The following FBXL2 variants were observed in gnomAD, a reference collection of about 807,000 sequenced individuals.
The protein encoded by FBXL2 is F-box/LRR-repeat protein 2.
In FBXL2, 38 loss-of-function variants were observed where a neutral mutation model predicts 69.2. The ratio of observed to expected loss-of-function variants is 0.55; its 90% CI spans 0.42 to 0.72. FBXL2 has a LOEUF of 0.72. Ranked by LOEUF, FBXL2 falls within the 30% of genes least tolerant of loss-of-function variation. The probability of loss-of-function intolerance (pLI) is 0.00; values close to 1 mark genes in which losing one functional copy is unlikely to be tolerated. For synonymous variants in FBXL2, 192 were observed against 201.3 expected, an observed-to-expected ratio of 0.95 and a Z score of 0.39; for missense variants, 354 against 520.3, an observed-to-expected ratio of 0.68 and a Z score of 3.11.
At chr3:33,306,065 G>A (rs748469891) in intron 2 of FBXL2, among the ~76,000 whole-genome samples, 3 of 151,238 alleles carry the variant, frequency 2.0e-5, no homozygotes, top group South Asian at 2.1e-4. Flanking sequence ...TTTTCTTTGC[G>A]TTTTATTCTG....
At chr3:33,390,612 G>C, downstream of FBXL2, 1 of 552,552 alleles carries the variant, frequency 1.8e-6, no homozygotes, top group Non-Finnish European at 3.3e-6. Flanking sequence ...TTCCAACACT[G>C]TCTGCCAGTT....
At chr3:33,327,779 T>G (rs551398258) in intron 2 of FBXL2, among the ~76,000 whole-genome samples, 1 of 152,050 alleles carries the variant, frequency 6.6e-6, no homozygotes, top group East Asian at 1.9e-4. Context: ...CTCTAAGATC[T>G]AGATCAAAAC....
Position 33,378,341 on chromosome 3 carries a change from A to G in FBXL2, c.894+194A>G, listed in dbSNP as rs2042780928. On this transcript the variant is annotated intron_variant, in intron 12 of 14. Transcript: ENST00000484457. ...TGGCCATTCTCAGTCATCAGACAGA[A>G]CTACAGAAGAGAAGTTCAGGATAGC... 2.0e-5 allele frequency among the ~76,000 whole-genome samples: 3 copies of G among 152,232 alleles called. 1 individual carries two copies. In the South Asian group the frequency reaches 6.2e-4, roughly 31 times the overall value.
intron 4 of FBXL2, among the ~76,000 whole-genome samples, chr3:33,361,519 A>C (rs750958710): frequency 3.9e-5 from 6 of 152,082 alleles, no homozygotes; most frequent in Non-Finnish European, 7.4e-5. Context: ...TCAAAAAAAA[A>C]ATTATTTTGA....
intron 2 of FBXL2, among the ~76,000 whole-genome samples, chr3:33,339,129 G>C (rs1313529512): frequency 6.6e-6 from 1 of 152,084 alleles, no homozygotes; most frequent in East Asian, 1.9e-4. Context: ...GACATGAACA[G>C]ACACTTTTCA....
chr3:33,286,161 T>G (rs2034591984), intron 1 of FBXL2, among the ~76,000 whole-genome samples: 1 of 152,190 alleles, frequency 6.6e-6, no homozygotes, highest in Admixed American at 6.5e-5. Flanking sequence ...CTCCTCATCT[T>G]TGTGGTTTTA....
At chr3:33,384,355 G>A (rs147535373) in intron 14 of FBXL2, among the ~76,000 whole-genome samples, 154 bp downstream of exon 14, 4 of 152,158 alleles carry the variant, frequency 2.6e-5, no homozygotes, top group Non-Finnish European at 5.9e-5. Flanking sequence ...GAGGTCAGGA[G>A]TTCAAGACCA....
At chr3:33,342,899 T>G (rs1487969363) in intron 2 of FBXL2, among the ~76,000 whole-genome samples, 1 of 145,386 alleles carries the variant, frequency 6.9e-6, no homozygotes, top group Non-Finnish European at 1.5e-5. Context: ...AGCTGTTTTT[T>G]TTTTTTTTTT....
chr3:33,387,333 G>A lies in FBXL2; in HGVS notation c.*1725G>A, dbSNP rs1457525253. 6.6e-6 allele frequency: 1 copy of A among 152,252 alleles called. No homozygotes were observed. Among genetic ancestry groups the A allele is most frequent in the East Asian group, 1.9e-4 (1 of 5,208 alleles). The allele number at this position is 152,252 out of a possible 1,614,324, so 9.4% of individuals were successfully genotyped here. A position where few individuals can be genotyped will look rare whatever the true frequency, so the allele number is the denominator to read the frequency against. ...AAATTAACTTAAGGCTGGCCACGGT[G>A]GTTCATGCCTATAATCCCAGCACTT... On this transcript the variant is annotated 3_prime_UTR_variant, in exon 15 of 15. Transcript: ENST00000484457.
At chr3:33,357,659 A>G (rs1279863537) in intron 2 of FBXL2, among the ~76,000 whole-genome samples, 2 of 150,182 alleles carry the variant, frequency 1.3e-5, no homozygotes, top group African/African-American at 4.9e-5. Context: ...CCTTTTGAGT[A>G]GCTGGGACTA....
At chr3:33,280,713 CAAA>C (rs34093056) in intron 1 of FBXL2, among the ~76,000 whole-genome samples, 8 of 81,382 alleles carry the variant, frequency 9.8e-5, no homozygotes, top group Non-Finnish European at 1.2e-4. Context: ...GCCCTGTATC[CAAA>C]AAAAAAAAAA....
At chr3:33,418,850 ACT>A in the FBXL2 span, among the ~76,000 whole-genome samples, 3 of 136,560 alleles carry the variant, frequency 2.2e-5, no homozygotes, top group South Asian at 2.5e-4. Context: ...CAAGAACGAA[ACT>A]CTGTCTCCAA....
chr3:33,345,754 A>G (rs1184660197), intron 2 of FBXL2, among the ~76,000 whole-genome samples: 2 of 152,220 alleles, frequency 1.3e-5, no homozygotes, highest in African/African-American at 4.8e-5. Context: ...AAAATTCCCA[A>G]AATATTTGGA....
chr3:33,297,772 C>T (rs774254358), intron 2 of FBXL2, 47 bp downstream of exon 2: 1 of 1,101,124 alleles, frequency 9.1e-7, no homozygotes, highest in South Asian at 1.4e-5. Context: ...CTGATTTAGT[C>T]ATCAAGTTCC....
At position 33,352,234 on chromosome 3, in the gene FBXL2, T is replaced by A. The variant is rs572287158; in HGVS notation, c.66-6733T>A. On this transcript the variant is annotated intron_variant, in intron 2 of 14. Coordinates refer to ENST00000484457, the MANE Select transcript of FBXL2 (RefSeq NM_012157.5). ...GCAAGTCAATGGAGAAAGTATACAT[T>A]TTTTTCGACAAATGGTGTTGGAAAA... Among the ~76,000 whole-genome samples, 6 of 152,254 alleles carry A rather than the reference T, an allele frequency of 3.9e-5. 1 individual carries two copies. In the South Asian group the frequency reaches 6.2e-4, roughly 16 times the overall value.
chr3:33,287,167 G>A (rs1166387403), intron 1 of FBXL2, among the ~76,000 whole-genome samples: 1 of 152,056 alleles, frequency 6.6e-6, no homozygotes, highest in East Asian at 1.9e-4. Flanking sequence ...CCACCCTAAA[G>A]TGATTTTTTT....
chr3:33,279,116 C>T (rs1415753388), intron 1 of FBXL2, among the ~76,000 whole-genome samples: 1 of 152,132 alleles, frequency 6.6e-6, no homozygotes, highest in Non-Finnish European at 1.5e-5. Flanking sequence ...CTTAATAATG[C>T]TTTGCTTTTT....
chr3:33,377,061 A>C (rs2042687296), intron 10 of FBXL2, among the ~76,000 whole-genome samples: 1 of 152,146 alleles, frequency 6.6e-6, no homozygotes, highest in Non-Finnish European at 1.5e-5. Context: ...TTTAAAAACA[A>C]CATGCTGGTA....
chr3:33,364,799 C>A, intron 5 of FBXL2, 80 bp downstream of exon 5: 3 of 1,161,882 alleles, frequency 2.6e-6, no homozygotes, highest in Non-Finnish European at 2.6e-6. Flanking sequence ...CTATTACATG[C>A]TCTTCTTCTG....
Sources: gnomAD v4.1 joint callset for allele counts (sites outside exome capture counted in the v4.1 genomes callset) on GRCh38, gnomAD v4.1.1 for gene constraint, MANE v1.5 for transcripts, NCBI Gene and HGNC (gene_info 2026-07-23, HGNC 2026-07-21) for gene names.